TENM4: variants seen among roughly 807,000 people sequenced by gnomAD.
The protein encoded by TENM4 is teneurin-4.
Under a neutral mutation model 243.3 loss-of-function variants are expected in TENM4, and 82 were observed. The ratio of observed to expected loss-of-function variants is 0.34; its 90% CI spans 0.28 to 0.40. The LOEUF is 0.40. Ranked by LOEUF, TENM4 falls within the 10% of genes least tolerant of loss-of-function variation. TENM4 has a pLI of 1.00. For missense variants in TENM4, 3,138 were observed against 3,673.3 expected (o/e 0.85, Z 3.77); for synonymous variants, 1,412 against 1,456.3 (o/e 0.97, Z 0.69).
At chr11:78,872,458 C>T (rs767966740) in intron 9 of TENM4, among the ~76,000 whole-genome samples, 2 of 152,182 alleles carry the variant, frequency 1.3e-5, no homozygotes, top group Admixed American at 6.5e-5. Context: ...TGGTACAACA[C>T]GCCACTGCCA....
chr11:78,747,018 G>A (rs1236650078), intron 19 of TENM4, among the ~76,000 whole-genome samples: 2 of 152,182 alleles, frequency 1.3e-5, no homozygotes, highest in Non-Finnish European at 2.9e-5. Context: ...ATGGGGAAGG[G>A]GCTGATGCCA....
chr11:78,880,488 A>AAAAAAAAAAAAAAAAG (rs1368857006), intron 9 of TENM4, among the ~76,000 whole-genome samples: 16 of 113,016 alleles, frequency 1.4e-4, no homozygotes, highest in African/African-American at 3.5e-4. Context: ...AAAAAAAAAA[A>AAAAAAAAAAAAAAAAG]AGAAAGAAAA....
intron 2 of TENM4, among the ~76,000 whole-genome samples, chr11:79,237,266 G>A (rs1317147635): frequency 1.3e-5 from 2 of 152,140 alleles, no homozygotes; most frequent in Non-Finnish European, 2.9e-5. Flanking sequence ...ACTGGACTAA[G>A]ACAGGGTGGA....
In TENM4 at chr11:79,409,097, TGTGTGCGCGCGCGCGCGTGC is replaced by T. The variant is rs1289178301; in HGVS notation, c.-321+31392_-321+31411del. On this transcript the variant is annotated intron_variant, in intron 1 of 33. Coordinates refer to ENST00000278550, the MANE Select transcript of TENM4 (RefSeq NM_001098816.3). ...GTGTGTGTGTGTGTGTGTGTGTGTG[TGTGTGCGCGCGCGCGCGTGC>T]GTGCACGCGCACGCACATGCGTGAG... Among the ~76,000 whole-genome samples, 9 of 104,824 alleles carry T rather than the reference TGTGTGCGCGCGCGCGCGTGC, an allele frequency of 8.6e-5. No individual in the cohort carries two copies. In the East Asian group the frequency reaches 1.5e-3, roughly 17 times the overall value. The allele number at this position is 104,824 out of a possible 152,430, so 68.8% of individuals were successfully genotyped here. A position where few individuals can be genotyped will look rare whatever the true frequency, so the allele number is the denominator to read the frequency against.
At chr11:78,938,830 TGCA>T (rs1471668539) in intron 6 of TENM4, among the ~76,000 whole-genome samples, 1 of 152,166 alleles carries the variant, frequency 6.6e-6, no homozygotes, top group Non-Finnish European at 1.5e-5. Flanking sequence ...GTATACTAAA[TGCA>T]ACTCCAAACA....
At chr11:78,933,794 C>T (rs1393366295) in intron 6 of TENM4, among the ~76,000 whole-genome samples, 2 of 152,164 alleles carry the variant, frequency 1.3e-5, no homozygotes, top group Non-Finnish European at 2.9e-5. Flanking sequence ...GAATACCTGC[C>T]TCTGGAGAAG....
At chr11:79,170,411 G>A (rs939668469) in intron 3 of TENM4, among the ~76,000 whole-genome samples, 3 of 152,156 alleles carry the variant, frequency 2.0e-5, no homozygotes, top group Admixed American at 6.5e-5. Flanking sequence ...AAATTGATAT[G>A]TTGAAATCCT....
chr11:78,782,062 A>C (rs1172510622), intron 16 of TENM4, among the ~76,000 whole-genome samples: 1 of 152,246 alleles, frequency 6.6e-6, no homozygotes, highest in African/African-American at 2.4e-5. Context: ...CAGGAGGGAT[A>C]ACCATAGCGT....
chr11:79,194,864 A>G (rs1474309318), intron 3 of TENM4, among the ~76,000 whole-genome samples: 1 of 152,224 alleles, frequency 6.6e-6, no homozygotes, highest in Non-Finnish European at 1.5e-5. Flanking sequence ...GACCATGGGA[A>G]AAATATCTCC....
intron 1 of TENM4, among the ~76,000 whole-genome samples, chr11:79,436,114 T>C (rs1267113687): frequency 6.6e-6 from 1 of 152,014 alleles, no homozygotes; most frequent in Non-Finnish European, 1.5e-5. Context: ...GATAAGGAGG[T>C]AGAAAGGAAC....
intron 6 of TENM4, among the ~76,000 whole-genome samples, chr11:79,064,236 C>T (rs1403840862): frequency 3.3e-5 from 5 of 152,206 alleles, no homozygotes; most frequent in Non-Finnish European, 7.3e-5. Flanking sequence ...TTGACAACAT[C>T]TTCCCTAAAC....
chr11:78,707,378 C>T (rs2135787324), intron 27 of TENM4, among the ~76,000 whole-genome samples: 1 of 152,366 alleles, frequency 6.6e-6, no homozygotes, highest in East Asian at 1.9e-4. Context: ...GCTGGATAGC[C>T]AGTCACTTGT....
intron 6 of TENM4, among the ~76,000 whole-genome samples, chr11:78,922,284 G>A (rs2136390303): frequency 6.6e-6 from 1 of 152,266 alleles, no homozygotes; most frequent in Middle Eastern, 3.4e-3. Flanking sequence ...AATAATAGGA[G>A]GGCAGCCTAT....
chr11:79,279,885 A>T (rs1195966293), intron 2 of TENM4, among the ~76,000 whole-genome samples: 1 of 152,136 alleles, frequency 6.6e-6, no homozygotes. Flanking sequence ...GACCTTTGGG[A>T]GGTGGTTAGG....
At chr11:79,087,988 C>G (rs1056649206) in intron 4 of TENM4, among the ~76,000 whole-genome samples, 3 of 152,216 alleles carry the variant, frequency 2.0e-5, no homozygotes, top group Non-Finnish European at 4.4e-5. Context: ...AGCTCTGGCC[C>G]TTGGCCCCGC....
intron 6 of TENM4, among the ~76,000 whole-genome samples, chr11:78,913,628 TGA>T (rs1405855792): frequency 6.7e-4 from 77 of 114,350 alleles, no homozygotes; most frequent in African/African-American, 2.0e-3. Flanking sequence ...TGTGTGTGTG[TGA>T]GTGTCGGGGG....
intron 3 of TENM4, among the ~76,000 whole-genome samples, chr11:79,199,529 T>C (rs974489047): frequency 2.0e-5 from 3 of 152,194 alleles, no homozygotes; most frequent in Admixed American, 6.5e-5. Flanking sequence ...TCGTTATGTG[T>C]GCTGAGTAGA....
At chr11:79,304,206 G>A (rs1221219100) in intron 1 of TENM4, among the ~76,000 whole-genome samples, 1 of 152,220 alleles carries the variant, frequency 6.6e-6, no homozygotes, top group Non-Finnish European at 1.5e-5. Context: ...AAGGGCTAGA[G>A]AAGGTGCAAG....
At chr11:79,157,031 G>A (rs979288857) in intron 3 of TENM4, among the ~76,000 whole-genome samples, 10 of 152,214 alleles carry the variant, frequency 6.6e-5, no homozygotes, top group African/African-American at 9.6e-5. Flanking sequence ...TGCGGAATGA[G>A]TGAGATGGGT....
Sources: gnomAD v4.1 joint callset for allele counts (sites outside exome capture counted in the v4.1 genomes callset) on GRCh38, gnomAD v4.1.1 for gene constraint, MANE v1.5 for transcripts, NCBI Gene and HGNC (gene_info 2026-07-23, HGNC 2026-07-21) for gene names.